The following SGCD variants were observed in gnomAD, a reference collection of about 807,000 sequenced individuals.
SGCD encodes delta-sarcoglycan.
In SGCD, 18 loss-of-function variants were observed where a neutral mutation model predicts 36.6. The ratio of observed to expected loss-of-function variants is 0.49; its 90% CI spans 0.34 to 0.73. The LOEUF (loss-of-function observed/expected upper bound fraction) is 0.73. SGCD is among the 30% of genes least tolerant of loss of function. The pLI, the probability that SGCD is intolerant of heterozygous loss-of-function variation, is 0.01. For synonymous variants in SGCD, 133 were observed against 130.6 expected (o/e 1.02, Z -0.12); for missense variants, 387 against 346.7 (o/e 1.12, Z -0.92).
At chr5:156,049,076 T>C (rs1385535472) in intron 1 of SGCD, among the ~76,000 whole-genome samples, 1 of 146,658 alleles carries the variant, frequency 6.8e-6, no homozygotes, top group African/African-American at 2.5e-5. Context: ...ATTTATTAAA[T>C]AGGGAATCCT....
intron 7 of SGCD, among the ~76,000 whole-genome samples, chr5:156,714,233 C>T (rs1755122788): frequency 6.6e-6 from 1 of 152,184 alleles, no homozygotes; most frequent in African/African-American, 2.4e-5. Context: ...TGATGTTCTG[C>T]CACTTTGTTT....
the SGCD span, among the ~76,000 whole-genome samples, chr5:155,757,425 T>C: frequency 6.6e-6 from 1 of 152,198 alleles, no homozygotes; most frequent in Non-Finnish European, 1.5e-5. Context: ...TAAAACCTCA[T>C]TTAATCTTTA....
chr5:155,868,056 CT>C (rs796673246), upstream of SGCD, among the ~76,000 whole-genome samples: 68 of 145,856 alleles, frequency 4.7e-4, no homozygotes, highest in South Asian at 1.3e-3. Context: ...TGAAGATGAT[CT>C]TTTTTTTTTT....
chr5:155,788,671 T>G, the SGCD span, among the ~76,000 whole-genome samples: 4 of 152,176 alleles, frequency 2.6e-5, no homozygotes, highest in African/African-American at 9.7e-5. Flanking sequence ...ATTAAAGTAT[T>G]GCCTTTTAAG....
intron 3 of SGCD, among the ~76,000 whole-genome samples, chr5:156,133,136 A>G (rs1424797992): frequency 1.3e-5 from 2 of 152,324 alleles, no homozygotes; most frequent in South Asian, 2.1e-4. Flanking sequence ...CCTAGAGCTC[A>G]GCAAATATTG....
At chr5:155,902,483 G>C (rs968928014) in intron 1 of SGCD, among the ~76,000 whole-genome samples, 1 of 151,888 alleles carries the variant, frequency 6.6e-6, no homozygotes, top group East Asian at 1.9e-4. Flanking sequence ...AAGAAGCACA[G>C]GTTCGTTACT....
the SGCD span, among the ~76,000 whole-genome samples, chr5:155,855,016 C>A: frequency 6.6e-6 from 1 of 152,140 alleles, no homozygotes; most frequent in African/African-American, 2.4e-5. Flanking sequence ...CTTAAAGATG[C>A]CGCTTTCAAC....
chr5:156,641,680 G>C (rs758927605), intron 6 of SGCD, among the ~76,000 whole-genome samples: 8 of 152,286 alleles, frequency 5.3e-5, no homozygotes, highest in Non-Finnish European at 1.0e-4. Flanking sequence ...GGCATGGCTG[G>C]CTTTGAGCAT....
At chr5:156,455,491 C>T (rs1320938700) in intron 3 of SGCD, among the ~76,000 whole-genome samples, 1 of 151,586 alleles carries the variant, frequency 6.6e-6, no homozygotes, top group Non-Finnish European at 1.5e-5. Flanking sequence ...AGTACTTTTC[C>T]ACTCCTATTC....
chr5:156,143,864 T>A (rs1302706496), intron 3 of SGCD, among the ~76,000 whole-genome samples: 1 of 151,010 alleles, frequency 6.6e-6, no homozygotes, highest in East Asian at 2.0e-4. Context: ...ATTAGGTATA[T>A]CTCCTAAGGC....
At chr5:156,502,215 T>C (rs1482159701) in intron 3 of SGCD, among the ~76,000 whole-genome samples, 1 of 151,790 alleles carries the variant, frequency 6.6e-6, no homozygotes, top group Non-Finnish European at 1.5e-5. Context: ...CCTGGCTAAT[T>C]TTTTGTATTT....
chr5:155,996,187 A>G (rs1758540278), intron 1 of SGCD, among the ~76,000 whole-genome samples: 2 of 152,036 alleles, frequency 1.3e-5, no homozygotes, highest in Non-Finnish European at 2.9e-5. Context: ...AGCTAAAGTC[A>G]TGTCACAGGG....
chr5:155,866,706 C>A (rs781542456), upstream of SGCD, among the ~76,000 whole-genome samples: 1 of 152,180 alleles, frequency 6.6e-6, no homozygotes, highest in Non-Finnish European at 1.5e-5. Flanking sequence ...TCCATCCTAA[C>A]AGCAGGGATC....
intron 4 of SGCD, among the ~76,000 whole-genome samples, chr5:156,551,758 T>C (rs1758808250): frequency 6.6e-6 from 1 of 152,198 alleles, no homozygotes; most frequent in Non-Finnish European, 1.5e-5. Context: ...CTAGCGATCC[T>C]GCTGTCAATA....
intron 1 of SGCD, among the ~76,000 whole-genome samples, chr5:156,029,175 T>C (rs1052299300): frequency 1.3e-5 from 2 of 152,178 alleles, no homozygotes; most frequent in African/African-American, 4.8e-5. Flanking sequence ...TGTGTTTAAC[T>C]GAATATGAAA....
chr5:156,624,937 A>G (rs1007617625), intron 6 of SGCD, among the ~76,000 whole-genome samples: 1 of 152,228 alleles, frequency 6.6e-6, no homozygotes, highest in Non-Finnish European at 1.5e-5. Context: ...ATTAGTTACA[A>G]CCAGATACCT....
At chr5:156,360,823 C>T (rs1769749093) in intron 3 of SGCD, among the ~76,000 whole-genome samples, 1 of 152,114 alleles carries the variant, frequency 6.6e-6, no homozygotes, top group Admixed American at 6.5e-5. Context: ...TAATACAAAT[C>T]TTAGCCTTCA....
the SGCD span, among the ~76,000 whole-genome samples, chr5:155,732,355 C>T: frequency 1.3e-5 from 2 of 152,148 alleles, no homozygotes; most frequent in Non-Finnish European, 2.9e-5. Context: ...TGAGTCCAGG[C>T]GTGGTTGACT....
At chr5:156,174,854 T>G (rs548554259) in intron 3 of SGCD, among the ~76,000 whole-genome samples, 82 of 152,282 alleles carry the variant, frequency 5.4e-4, no homozygotes, top group African/African-American at 1.9e-3. Context: ...AAGAACAGAA[T>G]AGCTCTAAGG....
Sources: allele counts gnomAD v4.1 joint callset (sites outside exome capture counted in the v4.1 genomes callset), GRCh38; gene constraint gnomAD v4.1.1; transcripts MANE v1.5; gene names NCBI Gene and HGNC (gene_info 2026-07-23, HGNC 2026-07-21).